Variants in PIK3R4 observed in about 807,000 individuals in gnomAD.
PIK3R4 encodes the protein phosphoinositide 3-kinase regulatory subunit 4.
A neutral mutation model predicts 136.5 loss-of-function variants in PIK3R4; 46 were observed. The observed-to-expected ratio is 0.34, with a 90% CI of 0.27 to 0.43. The LOEUF (loss-of-function observed/expected upper bound fraction) is 0.43. Among genes scored for constraint, PIK3R4 ranks in the 20% least tolerant of loss-of-function variants. The pLI, the probability that PIK3R4 is intolerant of heterozygous loss-of-function variation, is 1.00. For missense variants in PIK3R4, 1,331 were observed against 1,649.5 expected, an observed-to-expected ratio of 0.81 and a Z score of 3.35; for synonymous variants, 557 against 566.7, an observed-to-expected ratio of 0.98 and a Z score of 0.24.
chr3:130,715,084 T>C (rs897226497), intron 9 of PIK3R4, among the ~76,000 whole-genome samples: 1 of 151,880 alleles, frequency 6.6e-6, no homozygotes, highest in Non-Finnish European at 1.5e-5. Flanking sequence ...AGTATTCCTA[T>C]TTCTCCACAG....
chr3:130,683,046 A>G (rs1482328224), intron 16 of PIK3R4, among the ~76,000 whole-genome samples: 1 of 152,184 alleles, frequency 6.6e-6, no homozygotes, highest in Non-Finnish European at 1.5e-5. Context: ...AATTCTGGCT[A>G]TACTTTAAAA....
Position 130,716,403 on chromosome 3 carries a change from A to C in PIK3R4, c.2324T>G (p.Leu775Arg). Residue 775 changes from leucine to arginine, a missense_variant, in exon 9 of 20, where the codon CTC becomes CGC. Leu to Arg is a moderately radical substitution (Grantham distance 102, BLOSUM62 -2). Transcript: ENST00000356763. ...TTGGAAGGGTGATACAACCTGTGAG[A>C]GCAACTTCTTCAGAAGCTGTGCTAT... ...PAIAQLLKKL[L>R]SQGMTEEEED... 1 of 1,613,788 alleles carries C rather than the reference A, an allele frequency of 6.2e-7. No homozygotes were observed. Among genetic ancestry groups the C allele is most frequent in the Non-Finnish European group, 8.5e-7 (1 of 1,179,674 alleles).
At chr3:130,729,780 C>T (rs72998243) in intron 5 of PIK3R4, among the ~76,000 whole-genome samples, 2,335 of 152,256 alleles carry the variant, frequency 0.015, 85 homozygotes, top group African/African-American at 0.053. Flanking sequence ...TATTACTTTA[C>T]TTCTAAATCT....
intron 2 of PIK3R4, among the ~76,000 whole-genome samples, chr3:130,742,972 C>T (rs979244354): frequency 6.6e-6 from 1 of 152,178 alleles, no homozygotes; most frequent in Non-Finnish European, 1.5e-5. Context: ...AAGGAGTCCA[C>T]TGATTTCATT....
intron 13 of PIK3R4, among the ~76,000 whole-genome samples, chr3:130,696,274 A>T: frequency 6.8e-6 from 1 of 148,000 alleles, no homozygotes; most frequent in Non-Finnish European, 1.5e-5. Context: ...TATTTCATTT[A>T]TTTCCTCTTC....
intron 8 of PIK3R4, among the ~76,000 whole-genome samples, chr3:130,716,831 T>G (rs776387583): frequency 6.6e-6 from 1 of 152,214 alleles, no homozygotes; most frequent in Non-Finnish European, 1.5e-5. Context: ...ATTGGAAGAC[T>G]AATCATCCAA....
Position 130,746,598 on chromosome 3 carries a change from G to A in PIK3R4, c.-327C>T, listed in dbSNP as rs1296313559. The A allele has an allele frequency of 6.6e-6, 1 of 152,242 alleles. No homozygotes were observed. The highest frequency in any genetic ancestry group is 1.5e-5 in the Non-Finnish European group (1 of 68,114). The allele number at this position is 152,242 out of a possible 1,614,324, so 9.4% of individuals were successfully genotyped here. A position where few individuals can be genotyped will look rare whatever the true frequency, so the allele number is the denominator to read the frequency against. ...AGTCTCCACAAGTACCCCGGGATTT[G>A]ACCCCTCCAGCCCCCTAACCTGCCC... On this transcript the variant is annotated 5_prime_UTR_variant, in exon 1 of 20. Transcript: ENST00000356763.
intron 7 of PIK3R4, among the ~76,000 whole-genome samples, chr3:130,718,935 G>A (rs890691771): frequency 1.3e-5 from 2 of 152,058 alleles, no homozygotes; most frequent in African/African-American, 4.8e-5. Flanking sequence ...GAAGTTCAAG[G>A]ACATATCCCC....
intron 2 of PIK3R4, among the ~76,000 whole-genome samples, chr3:130,743,384 A>G (rs901603614): frequency 6.6e-6 from 1 of 152,182 alleles, no homozygotes; most frequent in African/African-American, 2.4e-5. Context: ...CTGGGCACCA[A>G]CCTAGGCAAC....
At chr3:130,742,830 A>G (rs2066831751) in intron 2 of PIK3R4, among the ~76,000 whole-genome samples, 1 of 152,252 alleles carries the variant, frequency 6.6e-6, no homozygotes, top group South Asian at 2.1e-4. Flanking sequence ...CTATCAGAGT[A>G]CCACTCTCAA....
intron 11 of PIK3R4, 29 bp downstream of exon 11, chr3:130,706,919 G>T (rs1387391553): frequency 6.4e-7 from 1 of 1,558,324 alleles, no homozygotes; most frequent in Non-Finnish European, 8.7e-7. Flanking sequence ...AAAGACATTA[G>T]GAGGACTACT....
At chr3:130,711,092 T>G (rs978827751) in intron 9 of PIK3R4, among the ~76,000 whole-genome samples, 1 of 151,668 alleles carries the variant, frequency 6.6e-6, no homozygotes, top group East Asian at 1.9e-4. Context: ...ACTAAGAAAG[T>G]GCAGTACTAG....
intron 9 of PIK3R4, among the ~76,000 whole-genome samples, chr3:130,715,469 G>A (rs1269574903): frequency 6.6e-6 from 1 of 151,968 alleles, no homozygotes; most frequent in African/African-American, 2.4e-5. Context: ...GGCATGAGAT[G>A]GTGTCTCATT....
intron 13 of PIK3R4, among the ~76,000 whole-genome samples, chr3:130,695,216 T>C (rs1174123546): frequency 6.6e-6 from 1 of 152,188 alleles, no homozygotes; most frequent in Non-Finnish European, 1.5e-5. Flanking sequence ...TTATGGGTAT[T>C]GGTCTACAGC....
In PIK3R4 at chr3:130,690,523, G is replaced by A; in HGVS notation, c.3230C>T (p.Pro1077Leu). Residue 1077 changes from proline to leucine, a missense_variant, in exon 14 of 20, where the codon CCC becomes CTC. Pro to Leu is a moderately conservative substitution (Grantham distance 98). This residue lies in a region of PIK3R4 where 1,180 missense variants were observed against 1,407.0 expected (regional missense o/e 0.84). Coordinates refer to ENST00000356763, the MANE Select transcript of PIK3R4 (RefSeq NM_014602.3). The stretch of plus-strand genomic sequence containing the variant: ...TAGAGGATGGATTTTAGGAGACTTG[G>A]GCAGCTTAGAAGCCTCAATTCCAAG... ...QLLGIEASKL[P>L]KSPKIHPLQS... The A allele has an allele frequency of 6.2e-7, 1 of 1,613,448 alleles. No homozygotes were observed. The highest frequency in any genetic ancestry group is 2.2e-5 in the East Asian group (1 of 44,868).
intron 16 of PIK3R4, among the ~76,000 whole-genome samples, chr3:130,684,033 T>G (rs1192133022): frequency 6.6e-6 from 1 of 152,038 alleles, no homozygotes; most frequent in Admixed American, 6.6e-5. Context: ...GAGATGGTGG[T>G]GGACAGTTAA....
Position 130,681,578 on chromosome 3 carries a change from G to A in PIK3R4, c.3621C>T (p.Asn1207=). 1 of 1,607,556 alleles carries A rather than the reference G, an allele frequency of 6.2e-7. No homozygotes were observed. The highest frequency in any genetic ancestry group is 8.5e-7 in the Non-Finnish European group (1 of 1,174,184). The part of the protein sequence containing the change: ...QSWVIAAVQG[N]NEVSMWDMET... ...CCATGTCCCACATGGACACTTCGTT[G>A]TTGCCCTGAACAGCTAAAGGAAACA... The change falls in exon 17 of 20, where the codon AAC becomes AAT. Residue 1207 remains asparagine (N), a synonymous_variant. Coordinates refer to ENST00000356763, the MANE Select transcript of PIK3R4 (RefSeq NM_014602.3).
intron 13 of PIK3R4, among the ~76,000 whole-genome samples, chr3:130,702,439 A>AC (rs1414659841): frequency 1.5e-4 from 23 of 152,242 alleles, no homozygotes; most frequent in African/African-American, 5.3e-4. Context: ...AATGGTGTAA[A>AC]AATATAGAGC....
chr3:130,703,274 G>A (rs2066589288), intron 13 of PIK3R4, among the ~76,000 whole-genome samples: 1 of 152,136 alleles, frequency 6.6e-6, no homozygotes, highest in South Asian at 2.1e-4. Flanking sequence ...CCTTTCTGCT[G>A]TTCCTCAACC....
Sources: gnomAD v4.1 joint callset for allele counts (sites outside exome capture counted in the v4.1 genomes callset) on GRCh38, gnomAD v4.1.1 for gene constraint, gnomAD v4.1.1 regional missense constraint, MANE v1.5 for transcripts, NCBI Gene and HGNC (gene_info 2026-07-23, HGNC 2026-07-21) for gene names.